OXR1: variants seen among roughly 807,000 people sequenced by gnomAD.
OXR1 encodes oxidation resistance protein 1.
In OXR1, 41 loss-of-function variants were observed where a neutral mutation model predicts 104.6. The ratio of observed to expected loss-of-function variants is 0.39; its 90% CI spans 0.31 to 0.51. The LOEUF (loss-of-function observed/expected upper bound fraction) is 0.51. Among genes scored for constraint, OXR1 ranks in the 20% least tolerant of loss-of-function variants. The probability of loss-of-function intolerance (pLI) is 0.77; values close to 1 mark genes in which losing one functional copy is unlikely to be tolerated. For missense variants in OXR1, 955 were observed against 1,031.9 expected (o/e 0.93, Z 1.02); for synonymous variants, 348 against 348.4 (o/e 1.00, Z 0.01).
chr8:106,376,027 T>C (rs1816893518), intron 2 of OXR1, among the ~76,000 whole-genome samples: 1 of 152,036 alleles, frequency 6.6e-6, no homozygotes, highest in African/African-American at 2.4e-5. Flanking sequence ...TTTAAAAATA[T>C]TTTCAAAGGC....
At chr8:106,719,078 T>TC (rs1832588801) in intron 11 of OXR1, among the ~76,000 whole-genome samples, 1 of 152,208 alleles carries the variant, frequency 6.6e-6, no homozygotes, top group African/African-American at 2.4e-5. Context: ...TTACAGTCTT[T>TC]CCCCTGATTT....
At chr8:106,470,552 G>C (rs1273083852) in intron 2 of OXR1, among the ~76,000 whole-genome samples, 4 of 151,744 alleles carry the variant, frequency 2.6e-5, no homozygotes, top group Non-Finnish European at 5.9e-5. Flanking sequence ...TGTCCTTTAG[G>C]TGTCCAAATG....
chr8:106,687,046 C>T (rs556292052), intron 6 of OXR1, among the ~76,000 whole-genome samples: 1 of 152,232 alleles, frequency 6.6e-6, no homozygotes, highest in South Asian at 2.1e-4. Context: ...GTGTTTGTCC[C>T]TCCAGACTTA....
intron 3 of OXR1, among the ~76,000 whole-genome samples, chr8:106,606,977 A>T (rs1450002849): frequency 6.6e-6 from 1 of 152,234 alleles, no homozygotes; most frequent in Non-Finnish European, 1.5e-5. Context: ...CCAATGTCCC[A>T]GAAACCAAAT....
chr8:106,682,708 G>A (rs919291398), intron 4 of OXR1, among the ~76,000 whole-genome samples: 1 of 151,958 alleles, frequency 6.6e-6, no homozygotes. Flanking sequence ...GGAAACGTAC[G>A]AATGATTCAG....
At chr8:106,439,224 A>G (rs1251539137) in intron 2 of OXR1, among the ~76,000 whole-genome samples, 1 of 152,012 alleles carries the variant, frequency 6.6e-6, no homozygotes, top group Non-Finnish European at 1.5e-5. Context: ...TCAAGAGAGT[A>G]AAGCCCCGGT....
chr8:106,584,071 T>C (rs1334091927), intron 3 of OXR1, among the ~76,000 whole-genome samples: 1 of 151,824 alleles, frequency 6.6e-6, no homozygotes, highest in African/African-American at 2.4e-5. Context: ...AAGGATAAAA[T>C]AGATTGTATC....
chr8:106,488,512 G>A (rs1175904825), intron 2 of OXR1, among the ~76,000 whole-genome samples: 1 of 152,172 alleles, frequency 6.6e-6, no homozygotes, highest in Non-Finnish European at 1.5e-5. Context: ...GCTATGTCCT[G>A]AATGGTAATG....
intron 3 of OXR1, among the ~76,000 whole-genome samples, chr8:106,621,664 T>C (rs1821715400): frequency 6.6e-6 from 1 of 152,178 alleles, no homozygotes. Context: ...ATTTAGTATA[T>C]GTGTTACTTT....
intron 1 of OXR1, among the ~76,000 whole-genome samples, chr8:106,293,368 G>A (rs189549366): frequency 5.9e-5 from 9 of 152,292 alleles, no homozygotes; most frequent in Admixed American, 5.9e-4. Flanking sequence ...TTACATTGCA[G>A]CATTGAATTA....
rs183281286 is a variant in OXR1, at chr8:106,391,949, G to A, written c.23+32313G>A. On this transcript the variant is annotated intron_variant, in intron 2 of 16. Coordinates refer to ENST00000517566, the MANE Select transcript of OXR1 (RefSeq NM_001198533.2). ...AGAGAATTAGGGAGACACCAGCTGGGATTGTTATGTTCTGTCCTAAAGACC... is the reference window on the plus strand; with the variant it reads ...AGAGAATTAGGGAGACACCAGCTGGAATTGTTATGTTCTGTCCTAAAGACC... 5.2e-4 allele frequency among the ~76,000 whole-genome samples: 79 copies of A among 152,236 alleles called. No homozygotes were observed. The East Asian group carries it at 0.015, about 28-fold the overall frequency.
rs753587418 is a variant in OXR1, at chr8:106,419,301, G to A, written c.23+59665G>A. The stretch of plus-strand genomic sequence containing the variant: ...CCTAACATTCTGGTGAGGCAGGTGC[G>A]TTGCAGGCTATTTCTTATCCTCTAT... On this transcript the variant is annotated intron_variant, in intron 2 of 16. Transcript: ENST00000517566. Among the ~76,000 whole-genome samples the A allele has an allele frequency of 3.5e-4, 53 of 152,236 alleles. No individual in the cohort carries two copies. The Middle Eastern group carries it at 0.01, about 29-fold the overall frequency.
intron 3 of OXR1, among the ~76,000 whole-genome samples, chr8:106,526,098 A>T (rs1215055069): frequency 2.0e-5 from 3 of 152,212 alleles, no homozygotes; most frequent in Admixed American, 2.0e-4. Flanking sequence ...TCAAGTAATG[A>T]TAAGTTTTTA....
At chr8:106,423,776 A>T (rs1818997241) in intron 2 of OXR1, among the ~76,000 whole-genome samples, 1 of 152,212 alleles carries the variant, frequency 6.6e-6, no homozygotes, top group African/African-American at 2.4e-5. Context: ...CCTTTTTCTG[A>T]GTAATGAATC....
chr8:106,601,482 C>G (rs1346636897), intron 3 of OXR1, among the ~76,000 whole-genome samples: 1 of 152,174 alleles, frequency 6.6e-6, no homozygotes, highest in Non-Finnish European at 1.5e-5. Context: ...TGGAGAGAGC[C>G]CGGGCCCTTC....
At chr8:106,574,737 A>G (rs1817707255) in intron 3 of OXR1, among the ~76,000 whole-genome samples, 1 of 152,246 alleles carries the variant, frequency 6.6e-6, no homozygotes, top group Admixed American at 6.5e-5. Context: ...TAACCATGGA[A>G]AGAACATAAG....
chr8:106,496,104 G>A (rs1002645461), intron 2 of OXR1, among the ~76,000 whole-genome samples: 1 of 152,166 alleles, frequency 6.6e-6, no homozygotes, highest in East Asian at 1.9e-4. Flanking sequence ...ATGGACCCCA[G>A]GTTCAGAAGA....
rs1830202300 is a variant in OXR1 at position 106,697,796 on chromosome 8, C to G, written c.675+4919C>G. ...TGGATCTTCTTTACTGGGACCTGCCCCTTGGGGTACAGTGCATTATTGAGC... is the reference window on the plus strand; with the variant it reads ...TGGATCTTCTTTACTGGGACCTGCCGCTTGGGGTACAGTGCATTATTGAGC... On this transcript the variant is annotated intron_variant, in intron 7 of 16. Coordinates refer to ENST00000517566, the MANE Select transcript of OXR1 (RefSeq NM_001198533.2). 7.4e-6 allele frequency: 12 copies of G among 1,612,372 alleles called. No individual in the cohort carries two copies. The South Asian group carries it at 1.2e-4, about 16-fold the overall frequency.
Position 106,350,663 on chromosome 8 carries a change from C to T in OXR1, c.-138-8813C>T, listed in dbSNP as rs1210653571. 2.0e-5 allele frequency among the ~76,000 whole-genome samples: 3 copies of T among 152,174 alleles called. No individual in the cohort carries two copies. The East Asian group carries it at 5.8e-4, about 29-fold the overall frequency. On this transcript the variant is annotated intron_variant, in intron 1 of 16. Coordinates refer to ENST00000517566, the MANE Select transcript of OXR1 (RefSeq NM_001198533.2). ...GTTTTAATGTGTGGGATTTCTCAAC[C>T]TGTGCAAAGACTGTATTTTCAGGAT...
Sources: allele counts gnomAD v4.1 joint callset (sites outside exome capture counted in the v4.1 genomes callset), GRCh38; gene constraint gnomAD v4.1.1; transcripts MANE v1.5; gene names NCBI Gene and HGNC (gene_info 2026-07-23, HGNC 2026-07-21).